The following RUVBL2 variants were observed in gnomAD, a reference collection of about 807,000 sequenced individuals.
The protein encoded by RUVBL2 is RuvB like AAA ATPase 2.
RUVBL2 carries 9 observed loss-of-function variants against 57.9 expected under a neutral mutation model. That is an observed-to-expected ratio of 0.16 (90% CI 0.09 to 0.27). The LOEUF (loss-of-function observed/expected upper bound fraction) is 0.27, where lower values mean the gene tolerates loss of function less well. Ranked by LOEUF, RUVBL2 falls within the 10% of genes least tolerant of loss-of-function variation. RUVBL2 has a pLI of 1.00. For synonymous variants in RUVBL2, 278 were observed against 264.6 expected, an observed-to-expected ratio of 1.05 and a Z score of -0.49; for missense variants, 456 against 669.6, an observed-to-expected ratio of 0.68 and a Z score of 3.52.
At chr19:49,002,003 A>C (rs774091553) in intron 2 of RUVBL2, among the ~76,000 whole-genome samples, 4 of 152,006 alleles carry the variant, frequency 2.6e-5, no homozygotes, top group Non-Finnish European at 4.4e-5. Context: ...AGCCACAGAC[A>C]GTATATAAAT....
chr19:49,001,278 C>T (rs1028596161), intron 2 of RUVBL2: 1 of 150,634 alleles, frequency 6.6e-6, no homozygotes, highest in African/African-American at 2.4e-5. Flanking sequence ...TCTCCTGCCT[C>T]AGCCTCCCGA....
chr19:49,007,693 T>G (rs1374130885), intron 6 of RUVBL2, among the ~76,000 whole-genome samples: 1 of 151,588 alleles, frequency 6.6e-6, no homozygotes, highest in Non-Finnish European at 1.5e-5. Context: ...ATGATACAGG[T>G]GATTTGCTCT....
upstream of RUVBL2, chr19:48,993,762 G>A: frequency 1.0e-6 from 1 of 1,004,418 alleles, no homozygotes; most frequent in Non-Finnish European, 1.5e-6. Flanking sequence ...GGGAGGGCGG[G>A]GCATAAAGTC....
In RUVBL2 at chr19:49,010,621, C is replaced by T. The variant is rs2039398702; in HGVS notation, c.787+10C>T. Reference sequence around the variant, plus strand: ...CTGGCGCTCTTCTCAGGTGAGGCCCCTCCTGCCCTGCCCTGCCCTGCCCTG... The same window carrying T: ...CTGGCGCTCTTCTCAGGTGAGGCCCTTCCTGCCCTGCCCTGCCCTGCCCTG... On this transcript the variant is annotated intron_variant, in intron 9 of 14. Transcript: ENST00000595090. 1 of 1,613,140 alleles carries T rather than the reference C, an allele frequency of 6.2e-7. No individual in the cohort carries two copies. Among genetic ancestry groups the T allele is most frequent in the African/African-American group, 1.3e-5 (1 of 74,880 alleles).
chr19:49,013,824 G>A (rs2039484293), intron 11 of RUVBL2, among the ~76,000 whole-genome samples: 1 of 152,244 alleles, frequency 6.6e-6, no homozygotes, highest in Non-Finnish European at 1.5e-5. Flanking sequence ...TGAGGCAGGA[G>A]GATCGGTTGA....
chr19:49,012,132 C>T (rs546734746), intron 11 of RUVBL2, among the ~76,000 whole-genome samples: 1 of 152,286 alleles, frequency 6.6e-6, no homozygotes, highest in South Asian at 2.1e-4. Flanking sequence ...AGTGCTGTAC[C>T]TGGTGGCAAA....
At chr19:48,998,081 G>A (rs79391930) in intron 1 of RUVBL2, among the ~76,000 whole-genome samples, 1,926 of 152,302 alleles carry the variant, frequency 0.013, 45 homozygotes, top group African/African-American at 0.044. Flanking sequence ...CATCTCCCTC[G>A]GGAATGTGAG....
At chr19:49,010,440 C>G (rs1189311661) in intron 8 of RUVBL2, 48 bp from the exon 9 acceptor site, 1 of 1,605,238 alleles carries the variant, frequency 6.2e-7, no homozygotes, top group African/African-American at 1.3e-5. Flanking sequence ...CCCTTCATGC[C>G]CTTCCCTGCC....
intron 8 of RUVBL2, 170 bp downstream of exon 8, chr19:49,010,236 C>A: frequency 1.3e-6 from 1 of 741,868 alleles, no homozygotes; most frequent in South Asian, 1.7e-5. Flanking sequence ...CTCAGCCTGG[C>A]ACTATAGCTT....
intron 4 of RUVBL2, 44 bp downstream of exon 4, chr19:49,004,462 A>G: frequency 6.4e-7 from 1 of 1,569,218 alleles, no homozygotes; most frequent in South Asian, 1.1e-5. Flanking sequence ...TTCCTGCTAA[A>G]TAACTCCTCC....
chr19:49,015,641 C>A lies in RUVBL2; in HGVS notation c.1321C>A (p.Gln441Lys). ...CTTCCTGGACGAGTCCCGCTCCACG[C>A]AGTACATGAAGGAGTACCAGGACGC... Reference protein sequence around the residue: ...SLFLDESRSTQYMKEYQDAFL... With the variant: ...SLFLDESRSTKYMKEYQDAFL... The change falls in exon 14 of 15, where the codon CAG becomes AAG. Residue 441 changes from glutamine to lysine, a missense_variant. By Grantham distance (53) the Gln-to-Lys change is moderately conservative. Around this residue, in one of 5 missense-constraint regions of RUVBL2, gnomAD observed 67 missense variants for 71.5 expected, o/e 0.94. Coordinates refer to ENST00000595090, the MANE Select transcript of RUVBL2 (RefSeq NM_006666.3). 6.2e-7 allele frequency: 1 copy of A among 1,614,116 alleles called. No homozygotes were observed. Among genetic ancestry groups the A allele is most frequent in the Admixed American group, 1.7e-5 (1 of 60,024 alleles).
chr19:48,998,684 G>A (rs1324541946), intron 1 of RUVBL2, among the ~76,000 whole-genome samples: 1 of 150,520 alleles, frequency 6.6e-6, no homozygotes, highest in East Asian at 1.9e-4. Flanking sequence ...ACTCCAACCT[G>A]GGCGACAGAG....
intron 12 of RUVBL2, 50 bp from the exon 13 acceptor site, chr19:49,014,971 G>C (rs2039514317): frequency 6.4e-7 from 1 of 1,559,422 alleles, no homozygotes; most frequent in South Asian, 1.2e-5. Flanking sequence ...TTCTGCTGCA[G>C]TCAGAGGCTG....
At chr19:49,000,798 G>A (rs1262714095) in intron 2 of RUVBL2, among the ~76,000 whole-genome samples, 1 of 152,132 alleles carries the variant, frequency 6.6e-6, no homozygotes, top group Non-Finnish European at 1.5e-5. Flanking sequence ...GTTGCAGTGA[G>A]CCAATATCGT....
chr19:48,996,517 T>A (rs1600165700), intron 1 of RUVBL2, among the ~76,000 whole-genome samples: 1 of 150,366 alleles, frequency 6.7e-6, no homozygotes, highest in South Asian at 2.1e-4. Context: ...TGTGTGTGTG[T>A]GTGTGTGTGT....
chr19:48,993,523 C>T, upstream of RUVBL2: 1 of 443,636 alleles, frequency 2.3e-6, no homozygotes, highest in Non-Finnish European at 4.2e-6. Context: ...AACGAGTGGC[C>T]TTCAGCTCTG....
intron 8 of RUVBL2, 25 bp downstream of exon 8, chr19:49,010,091 C>A: frequency 6.2e-7 from 1 of 1,604,434 alleles, no homozygotes; most frequent in Non-Finnish European, 8.5e-7. Flanking sequence ...CCCGGGATCC[C>A]CTCGCCCCCA....
Position 48,998,232 on chromosome 19 carries a change from A to C in RUVBL2, c.13-1087A>C, listed in dbSNP as rs929415610. On this transcript the variant is annotated intron_variant, in intron 1 of 14. Transcript: ENST00000595090. ...ACTTGATCTAATTCAGTGAGAGGGC[A>C]GGGAGAGCAGTCTGGACTCAGGGGC... is the stretch of plus-strand genomic sequence containing the variant. Among the ~76,000 whole-genome samples the C allele has an allele frequency of 1.2e-4, 19 of 152,192 alleles. 2 individuals carry two copies. The highest frequency in any genetic ancestry group is 1.1e-3 in the Admixed American group (17 of 15,270).
In RUVBL2 at chr19:48,999,881, A is replaced by G. The variant is rs79001752; in HGVS notation, c.67+508A>G. Among the ~76,000 whole-genome samples the G allele has an allele frequency of 7.9e-3, 1,208 of 152,296 alleles. 18 individuals are homozygous for G. Among genetic ancestry groups the G allele is most frequent in the African/African-American group, 0.027 (1,136 of 41,566 alleles). On this transcript the variant is annotated intron_variant, in intron 2 of 14. Coordinates refer to ENST00000595090, the MANE Select transcript of RUVBL2 (RefSeq NM_006666.3). ...GAGGGAACTGATTTTCAGGACAGCTAAATCACTGGCCCCGGCTCACACAGA... is the reference window on the plus strand; with the variant it reads ...GAGGGAACTGATTTTCAGGACAGCTGAATCACTGGCCCCGGCTCACACAGA...
Sources: allele counts gnomAD v4.1 joint callset (sites outside exome capture counted in the v4.1 genomes callset), GRCh38; gene constraint gnomAD v4.1.1; regional missense constraint gnomAD v4.1.1; transcripts MANE v1.5; gene names NCBI Gene and HGNC (gene_info 2026-07-23, HGNC 2026-07-21).